The following LSM14A variants were observed in gnomAD, a reference collection of about 807,000 sequenced individuals.
LSM14A encodes the protein LSM14A mRNA processing body assembly factor.
Under a neutral mutation model 52.4 loss-of-function variants are expected in LSM14A, and 14 were observed. The ratio of observed to expected loss-of-function variants is 0.27; its 90% CI spans 0.18 to 0.42. The LOEUF is 0.42. LSM14A is among the 10% of genes least tolerant of loss of function. The pLI, the probability that LSM14A is intolerant of heterozygous loss-of-function variation, is 1.00. For synonymous variants in LSM14A, 185 were observed against 200.3 expected, an observed-to-expected ratio of 0.92 and a Z score of 0.64; for missense variants, 417 against 581.8, an observed-to-expected ratio of 0.72 and a Z score of 2.91.
At chr19:34,192,319 G>GGTTTTTTTTTTTTTT (rs2070450450) in intron 1 of LSM14A, among the ~76,000 whole-genome samples, 1 of 53,410 alleles carries the variant, frequency 1.9e-5, no homozygotes, top group African/African-American at 8.1e-5. Flanking sequence ...TCTTTTTGTT[G>GGTTTTTTTTTTTTTT]TTTTTTTTTT....
At chr19:34,192,310 C>CTTTTTTTTTTTTTTTTTTTTTTTTTT (rs1568479681) in intron 1 of LSM14A, among the ~76,000 whole-genome samples, 3 of 51,658 alleles carry the variant, frequency 5.8e-5, no homozygotes, top group Non-Finnish European at 1.2e-4. Context: ...AAATAACATT[C>CTTTTTTTTTTTTTTTTTTTTTTTTTT]TTTTTGTTGT....
At chr19:34,220,187 C>T (rs967311973) in intron 8 of LSM14A, among the ~76,000 whole-genome samples, 2 of 152,140 alleles carry the variant, frequency 1.3e-5, no homozygotes, top group Admixed American at 6.5e-5. Flanking sequence ...CCAGGCTAAT[C>T]GTGAACTCCT....
chr19:34,221,567 A>C lies in LSM14A; in HGVS notation c.1197A>C (p.Pro399=), dbSNP rs1290386481. ...RRLNAETFGI[P]LRPNRGRGGY... ...TAAATGCTGAAACATTTGGAATCCC[A>C]CTTCGTCCAAACCGTGGCCGTGGGG... The change falls in exon 9 of 10, where the codon CCA becomes CCC. Residue 399 remains proline (P), a synonymous_variant. Coordinates refer to ENST00000544216, the MANE Select transcript of LSM14A (RefSeq NM_015578.4). 11 of 1,614,066 alleles carry C rather than the reference A, an allele frequency of 6.8e-6. No homozygotes were observed. The highest frequency in any genetic ancestry group is 9.3e-6 in the Non-Finnish European group (11 of 1,180,040).
At chr19:34,209,769 T>C (rs1247932111) in intron 4 of LSM14A, among the ~76,000 whole-genome samples, 2 of 152,124 alleles carry the variant, frequency 1.3e-5, no homozygotes, top group African/African-American at 4.8e-5. Context: ...ACTCCTGGGC[T>C]CAAGCGATCC....
chr19:34,172,785 G>A (rs976119908), intron 1 of LSM14A, 22 bp downstream of exon 1: 1 of 1,559,106 alleles, frequency 6.4e-7, no homozygotes, highest in Non-Finnish European at 8.7e-7. Context: ...CGGGCCTCAG[G>A]GTGGGGGCCG....
chr19:34,194,869 C>A (rs1481599690), intron 2 of LSM14A, among the ~76,000 whole-genome samples: 1 of 152,150 alleles, frequency 6.6e-6, no homozygotes, highest in African/African-American at 2.4e-5. Flanking sequence ...CTAATTTCAA[C>A]AACAATTACC....
At chr19:34,226,197 G>A (rs1201340900) in intron 9 of LSM14A, among the ~76,000 whole-genome samples, 1 of 152,128 alleles carries the variant, frequency 6.6e-6, no homozygotes, top group East Asian at 1.9e-4. Flanking sequence ...ACCAGCTCCT[G>A]TTTTATATGC....
intron 3 of LSM14A, among the ~76,000 whole-genome samples, chr19:34,205,140 A>T (rs1006708162): frequency 6.6e-6 from 1 of 152,010 alleles, no homozygotes; most frequent in Non-Finnish European, 1.5e-5. Context: ...TCAAATAAAA[A>T]GGAAAAGAAA....
chr19:34,173,219 G>T (rs2068837595), intron 1 of LSM14A, among the ~76,000 whole-genome samples: 1 of 152,224 alleles, frequency 6.6e-6, no homozygotes, highest in Non-Finnish European at 1.5e-5. Context: ...TTCCTCTGGT[G>T]AACTCTTGAG....
intron 9 of LSM14A, among the ~76,000 whole-genome samples, chr19:34,226,953 A>T (rs917547303): frequency 2.0e-5 from 3 of 152,228 alleles, no homozygotes; most frequent in Non-Finnish European, 4.4e-5. Context: ...TGGGTATTTT[A>T]TTGCTTAGTA....
intron 4 of LSM14A, among the ~76,000 whole-genome samples, chr19:34,210,531 C>T (rs1217359223): frequency 6.6e-6 from 1 of 152,196 alleles, no homozygotes; most frequent in Non-Finnish European, 1.5e-5. Flanking sequence ...CTTGGCCTCC[C>T]AAAGTGCTGG....
chr19:34,188,757 C>T (rs1326789493), intron 1 of LSM14A, among the ~76,000 whole-genome samples: 1 of 152,056 alleles, frequency 6.6e-6, no homozygotes, highest in African/African-American at 2.4e-5. Context: ...TTTCACGCTT[C>T]ACTCTTGATG....
Position 34,221,715 on chromosome 19 carries a change from G to A in LSM14A, c.1345G>A (p.Glu449Lys), listed in dbSNP as rs754544764. The A allele has an allele frequency of 8.7e-6, 14 of 1,613,138 alleles. No homozygotes were observed. Among genetic ancestry groups the A allele is most frequent in the Non-Finnish European group, 1.2e-5 (14 of 1,179,270 alleles). ...ATTCAGAGGAGGTCGTGGGGGCCGG[G>A]AGTTTGCGGATTTTGAATATAGGGT... Reference protein sequence around the residue: ...GGFRGGRGGREFADFEYRKDN... With the variant: ...GGFRGGRGGRKFADFEYRKDN... The change falls in exon 9 of 10, where the codon GAG (glutamate) becomes AAG (lysine). Residue 449 changes from glutamate to lysine, a missense_variant. Transcript: ENST00000544216.
At chr19:34,217,150 T>G (rs1374037983) in intron 6 of LSM14A, among the ~76,000 whole-genome samples, 1 of 151,436 alleles carries the variant, frequency 6.6e-6, no homozygotes, top group Non-Finnish European at 1.5e-5. Context: ...TCCCAGCTGC[T>G]CGGGAGGCTG....
intron 1 of LSM14A, among the ~76,000 whole-genome samples, chr19:34,180,839 G>A (rs770104894): frequency 3.3e-5 from 5 of 151,922 alleles, no homozygotes; most frequent in Admixed American, 6.6e-5. Context: ...ATTTATGTTC[G>A]CTAGCCTCCG....
At chr19:34,176,365 A>G (rs758374534) in intron 1 of LSM14A, among the ~76,000 whole-genome samples, 6 of 152,140 alleles carry the variant, frequency 3.9e-5, no homozygotes, top group Non-Finnish European at 7.3e-5. Flanking sequence ...TAAAAATGAA[A>G]TATTTTTAAA....
chr19:34,219,368 G>A (rs781495681), intron 6 of LSM14A, 23 bp from the exon 7 acceptor site: 1 of 1,569,182 alleles, frequency 6.4e-7, no homozygotes, highest in Non-Finnish European at 8.7e-7. Context: ...AATGTCCTTT[G>A]TATATATTCT....
chr19:34,215,678 A>G lies in LSM14A; in HGVS notation c.781+17A>G, dbSNP rs751988234. On this transcript the variant is annotated intron_variant, in intron 6 of 9. Coordinates refer to ENST00000544216, the MANE Select transcript of LSM14A (RefSeq NM_015578.4). Reference sequence around the variant, plus strand: ...GACAAGTAGGTAAGTTCTTGGATCTAAAAGTCATATTCTATGCTTCTCAAC... The same window carrying G: ...GACAAGTAGGTAAGTTCTTGGATCTGAAAGTCATATTCTATGCTTCTCAAC... The G allele has an allele frequency of 1.8e-5, 28 of 1,555,472 alleles. No individual in the cohort carries two copies. In the African/African-American group the frequency reaches 2.9e-4, roughly 16 times the overall value.
chr19:34,186,709 T>C (rs760615703), intron 1 of LSM14A, among the ~76,000 whole-genome samples: 4 of 152,214 alleles, frequency 2.6e-5, no homozygotes, highest in Non-Finnish European at 4.4e-5. Flanking sequence ...AATTTAAGTT[T>C]GAGTATGCTG....
Sources: allele counts gnomAD v4.1 joint callset (sites outside exome capture counted in the v4.1 genomes callset), GRCh38; gene constraint gnomAD v4.1.1; transcripts MANE v1.5; gene names NCBI Gene and HGNC (gene_info 2026-07-23, HGNC 2026-07-21).